The following B4GALNT2 variants were observed in gnomAD, a reference collection of about 807,000 sequenced individuals.
B4GALNT2 encodes N-acetylneuraminylgalactosylglucosyl-glucoside beta-1,4-N- acetylgalactosaminyltransferase 2.
B4GALNT2 carries 42 observed loss-of-function variants against 51.1 expected under a neutral mutation model. The ratio of observed to expected loss-of-function variants is 0.82; its 90% CI spans 0.64 to 1.06. B4GALNT2 has a LOEUF of 1.06. Ranked by LOEUF, B4GALNT2 falls within the 50% of genes least tolerant of loss-of-function variation. The probability of loss-of-function intolerance (pLI) is 0.00; values close to 1 mark genes in which losing one functional copy is unlikely to be tolerated. For synonymous variants in B4GALNT2, 253 were observed against 251.7 expected (o/e 1.01, Z -0.05); for missense variants, 602 against 633.6 (o/e 0.95, Z 0.54).
chr17:49,157,189 C>T (rs1259530802), intron 5 of B4GALNT2, among the ~76,000 whole-genome samples: 2 of 152,116 alleles, frequency 1.3e-5, no homozygotes, highest in Non-Finnish European at 2.9e-5. Context: ...GAGACAGGGT[C>T]TCACTCTGTC....
the B4GALNT2 span, among the ~76,000 whole-genome samples, chr17:49,125,284 C>T: frequency 3.3e-5 from 5 of 152,090 alleles, no homozygotes; most frequent in East Asian, 1.9e-4. Flanking sequence ...CTCAGCCTCC[C>T]GAGTAGCTGG....
At position 49,169,762 on chromosome 17, in the gene B4GALNT2, C is replaced by CTGGTT; in HGVS notation, c.*35_*39dup. The CTGGTT allele has an allele frequency of 2.0e-6, 3 of 1,512,928 alleles. No individual in the cohort carries two copies. Among genetic ancestry groups the CTGGTT allele is most frequent in the Non-Finnish European group, 2.7e-6 (3 of 1,125,550 alleles). 93.7% of individuals were successfully genotyped at this position (1,512,928 alleles called of 1,614,324 possible). A position where few individuals can be genotyped will look rare whatever the true frequency, so the allele number is the denominator to read the frequency against. ...GGGCATAGGAGAAACACTAGGCTGG[C>CTGGTT]TGGTTATGGTATCTATAGCAGGCCA... On this transcript the variant is annotated 3_prime_UTR_variant, in exon 11 of 11. Transcript: ENST00000393354.
At position 49,176,086 on chromosome 17, in the gene B4GALNT2, C is replaced by T. The variant is rs1353618915; in HGVS notation, c.*6358C>T. 6.6e-6 allele frequency: 1 copy of T among 152,240 alleles called. No homozygotes were observed. The highest frequency in any genetic ancestry group is 1.5e-5 in the Non-Finnish European group (1 of 68,056). The allele number at this position is 152,240 out of a possible 1,614,324, so 9.4% of individuals were successfully genotyped here. On this transcript the variant is annotated 3_prime_UTR_variant, in exon 11 of 11. Coordinates refer to ENST00000393354, the MANE Select transcript of B4GALNT2 (RefSeq NM_001159387.2). Reference sequence around the variant, plus strand: ...TGATGTTTCCGAGCTCCCCTTCTTACTCACCATGGGGATTGCTTAAGGGTA... The same window carrying T: ...TGATGTTTCCGAGCTCCCCTTCTTATTCACCATGGGGATTGCTTAAGGGTA...
intron 3 of B4GALNT2, 89 bp downstream of exon 3, chr17:49,142,261 A>G (rs2042652113): frequency 1.3e-6 from 2 of 1,523,504 alleles, no homozygotes; most frequent in Non-Finnish European, 1.8e-6. Flanking sequence ...GAGAAAAAGC[A>G]GGAAGGAATT....
intron 4 of B4GALNT2, 32 bp from the exon 5 acceptor site, chr17:49,156,531 GAGC>G (rs2042812167): frequency 6.2e-7 from 1 of 1,612,358 alleles, no homozygotes; most frequent in South Asian, 1.1e-5. Context: ...TGTCTTTCAT[GAGC>G]AGTTTTCTTT....
At position 49,176,379 on chromosome 17, in the gene B4GALNT2, T is replaced by C. The variant is rs1255698178; in HGVS notation, c.*6651T>C. On this transcript the variant is annotated 3_prime_UTR_variant, in exon 11 of 11. Transcript: ENST00000393354. Reference sequence around the variant, plus strand: ...ATTGACAGCAAGCCAGTGATAAGCATTGTTTCTAAAGATTATAGATTAACT... The same window carrying C: ...ATTGACAGCAAGCCAGTGATAAGCACTGTTTCTAAAGATTATAGATTAACT... The C allele has an allele frequency of 5.9e-5, 9 of 152,244 alleles. No individual in the cohort carries two copies. In the East Asian group the frequency reaches 1.3e-3, roughly 23 times the overall value. 9.4% of individuals were successfully genotyped at this position (152,244 alleles called of 1,614,324 possible). A position where few individuals can be genotyped will look rare whatever the true frequency, so the allele number is the denominator to read the frequency against.
At position 49,161,174 on chromosome 17, in the gene B4GALNT2, C is replaced by G. The variant is rs538217100; in HGVS notation, c.766+533C>G. The stretch of plus-strand genomic sequence containing the variant: ...CCTGTAATCCCTGCTACTCTGGAGG[C>G]TGAGGCAGGAGAATCACTTGAACCC... On this transcript the variant is annotated intron_variant, in intron 7 of 10. Coordinates refer to ENST00000393354, the MANE Select transcript of B4GALNT2 (RefSeq NM_001159387.2). Among the ~76,000 whole-genome samples, 7 of 151,610 alleles carry G rather than the reference C, an allele frequency of 4.6e-5. No individual in the cohort carries two copies. The East Asian group carries it at 1.4e-3, about 29-fold the overall frequency.
In B4GALNT2 at chr17:49,172,123, T is replaced by G. The variant is rs1027205142; in HGVS notation, c.*2395T>G. The stretch of plus-strand genomic sequence containing the variant: ...GTTGTCCCACTTTCCTCAGGTTTTC[T>G]TCCACCATCTGTGACAGCTTCTTGA... On this transcript the variant is annotated 3_prime_UTR_variant, in exon 11 of 11. Transcript: ENST00000393354. 2 of 305,270 alleles carry G rather than the reference T, an allele frequency of 6.6e-6. No individual in the cohort carries two copies. Among genetic ancestry groups the G allele is most frequent in the African/African-American group, 4.4e-5 (2 of 45,264 alleles). The allele number at this position is 305,270 out of a possible 1,614,324, so 18.9% of individuals were successfully genotyped here.
At chr17:49,165,363 C>G (rs559707251) in intron 8 of B4GALNT2, among the ~76,000 whole-genome samples, 1 of 143,158 alleles carries the variant, frequency 7.0e-6, no homozygotes, top group African/African-American at 2.6e-5. Context: ...TCTCCCCTAC[C>G]TTTCTTCCTC....
Position 49,166,211 on chromosome 17 carries a change from T to A in B4GALNT2, c.1052T>A (p.Ile351Asn), listed in dbSNP as rs778796878. The A allele has an allele frequency of 6.2e-7, 1 of 1,614,008 alleles. No homozygotes were observed. Among genetic ancestry groups the A allele is most frequent in the Admixed American group, 1.7e-5 (1 of 60,004 alleles). Reference protein sequence around the residue: ...DDFLFNEETKIEVLVDVLEKT... With the variant: ...DDFLFNEETKNEVLVDVLEKT... The stretch of plus-strand genomic sequence containing the variant: ...TTTCTCTTCAACGAGGAGACCAAGA[T>A]TGAGGTGCTGGTGGATGTCCTGGAG... Residue 351 changes from isoleucine (I) to asparagine (N), a missense_variant, in exon 9 of 11, where the codon ATT (isoleucine) becomes AAT (asparagine). Coordinates refer to ENST00000393354, the MANE Select transcript of B4GALNT2 (RefSeq NM_001159387.2).
chr17:49,154,037 G>GCC (rs1555611734), intron 4 of B4GALNT2, among the ~76,000 whole-genome samples: 1 of 149,788 alleles, frequency 6.7e-6, no homozygotes, highest in Admixed American at 6.6e-5. Context: ...ACGGAGTCTT[G>GCC]CTGTCACCCA....
chr17:49,153,246 C>T (rs866714817), intron 4 of B4GALNT2, among the ~76,000 whole-genome samples: 37 of 152,126 alleles, frequency 2.4e-4, no homozygotes, highest in African/African-American at 8.5e-4. Context: ...AAAACCCTGT[C>T]TCTACAAAAA....
At chr17:49,127,883 G>T (rs1211789285), upstream of B4GALNT2, among the ~76,000 whole-genome samples, 1 of 152,166 alleles carries the variant, frequency 6.6e-6, no homozygotes, top group Non-Finnish European at 1.5e-5. Flanking sequence ...TCATTTTAGG[G>T]TCTTTCATAT....
chr17:49,149,783 G>A (rs767215254), intron 3 of B4GALNT2, among the ~76,000 whole-genome samples: 2 of 152,096 alleles, frequency 1.3e-5, no homozygotes, highest in African/African-American at 2.4e-5. Flanking sequence ...TAGATCCCAG[G>A]GTGTGCCTTT....
chr17:49,120,484 CTGTGTGTGTG>C, the B4GALNT2 span, among the ~76,000 whole-genome samples: 441 of 144,156 alleles, frequency 3.1e-3, 1 homozygote, highest in African/African-American at 9.4e-3. Flanking sequence ...GTGTGTGTGT[CTGTGTGTGTG>C]TGTGTGTGTG....
upstream of B4GALNT2, among the ~76,000 whole-genome samples, chr17:49,127,682 C>T (rs936493294): frequency 6.6e-6 from 1 of 152,070 alleles, no homozygotes; most frequent in African/African-American, 2.4e-5. Context: ...TCTGGTGAGG[C>T]CCTTTAAAAA....
intron 3 of B4GALNT2, among the ~76,000 whole-genome samples, chr17:49,150,334 T>G (rs1598206003): frequency 1.3e-5 from 2 of 150,984 alleles, no homozygotes; most frequent in Admixed American, 6.6e-5. Context: ...AGCAGCCCCG[T>G]CCGGGAGGTG....
At chr17:49,120,979 T>C in the B4GALNT2 span, among the ~76,000 whole-genome samples, 1 of 152,170 alleles carries the variant, frequency 6.6e-6, no homozygotes, top group African/African-American at 2.4e-5. Context: ...CCACTTGCTT[T>C]TTCCTTGAGA....
chr17:49,121,353 C>G, the B4GALNT2 span, among the ~76,000 whole-genome samples: 1 of 152,188 alleles, frequency 6.6e-6, no homozygotes, highest in Non-Finnish European at 1.5e-5. Context: ...GTAGGAATTG[C>G]TGTTTTAACT....
Sources: gnomAD v4.1 joint callset for allele counts (sites outside exome capture counted in the v4.1 genomes callset) on GRCh38, gnomAD v4.1.1 for gene constraint, MANE v1.5 for transcripts, NCBI Gene and HGNC (gene_info 2026-07-23, HGNC 2026-07-21) for gene names.